The following TTBK2 variants were observed in gnomAD, a reference collection of about 807,000 sequenced individuals.
TTBK2 encodes tau tubulin kinase 2, also known as tau-tubulin kinase 2.
TTBK2 carries 28 observed loss-of-function variants against 110.8 expected under a neutral mutation model. That is an observed-to-expected ratio of 0.25 (90% CI 0.19 to 0.35). TTBK2 has a LOEUF of 0.35. Ranked by LOEUF, TTBK2 falls within the 10% of genes least tolerant of loss-of-function variation. The pLI, the probability that TTBK2 is intolerant of heterozygous loss-of-function variation, is 1.00. For synonymous variants in TTBK2, 532 were observed against 527.3 expected, an observed-to-expected ratio of 1.01 and a Z score of -0.12; for missense variants, 1,369 against 1,500.3, an observed-to-expected ratio of 0.91 and a Z score of 1.45.
intron 10 of TTBK2, among the ~76,000 whole-genome samples, chr15:42,786,210 G>A (rs1890408396): frequency 6.6e-6 from 1 of 151,934 alleles, no homozygotes; most frequent in Non-Finnish European, 1.5e-5. Flanking sequence ...AAGGTAGTTT[G>A]GCCTAAAATA....
intron 10 of TTBK2, among the ~76,000 whole-genome samples, chr15:42,785,195 C>T (rs1308582045): frequency 6.8e-6 from 1 of 148,050 alleles, no homozygotes; most frequent in African/African-American, 2.5e-5. Context: ...TCTCTGCTCA[C>T]TGCAACCTCC....
intron 1 of TTBK2, among the ~76,000 whole-genome samples, chr15:42,900,678 T>C (rs965573089): frequency 6.6e-6 from 1 of 151,922 alleles, no homozygotes; most frequent in Non-Finnish European, 1.5e-5. Flanking sequence ...TGAGCCGAGA[T>C]CGTGGCACAG....
chr15:42,839,031 C>T (rs535427620), intron 4 of TTBK2, among the ~76,000 whole-genome samples: 6 of 152,086 alleles, frequency 3.9e-5, no homozygotes, highest in South Asian at 2.1e-4. Context: ...GGTGTGGAAA[C>T]GATTTTGTCA....
chr15:42,798,690 A>G (rs1891049720), intron 9 of TTBK2, among the ~76,000 whole-genome samples: 1 of 152,234 alleles, frequency 6.6e-6, no homozygotes, highest in Non-Finnish European at 1.5e-5. Flanking sequence ...TTGATACTGT[A>G]AGGCTATTCC....
In TTBK2 at chr15:42,739,202, G is replaced by A. The variant is rs1036347366; in HGVS notation, c.*6593C>T. On this transcript the variant is annotated 3_prime_UTR_variant, in exon 15 of 15. Transcript: ENST00000267890. Reference sequence around the variant, plus strand: ...AAAATTGTATAAAGGGAGCTGCTTGGAGGGGAAAGGAACACAATAAAACGC... The same window carrying A: ...AAAATTGTATAAAGGGAGCTGCTTGAAGGGGAAAGGAACACAATAAAACGC... 1 of 152,176 alleles carries A rather than the reference G, an allele frequency of 6.6e-6. No individual in the cohort carries two copies. The highest frequency in any genetic ancestry group is 1.5e-5 in the Non-Finnish European group (1 of 68,034). The allele number at this position is 152,176 out of a possible 1,614,324, so 9.4% of individuals were successfully genotyped here. A position where few individuals can be genotyped will look rare whatever the true frequency, so the allele number is the denominator to read the frequency against.
chr15:42,760,155 G>A (rs1044307507), intron 13 of TTBK2, among the ~76,000 whole-genome samples: 6 of 152,146 alleles, frequency 3.9e-5, no homozygotes, highest in Admixed American at 1.3e-4. Context: ...GGAGGCCAAG[G>A]TGGGCAGATA....
intron 3 of TTBK2, among the ~76,000 whole-genome samples, chr15:42,851,558 C>T (rs1893713701): frequency 6.6e-6 from 1 of 152,032 alleles, no homozygotes; most frequent in South Asian, 2.1e-4. Context: ...AGTTGCAGAA[C>T]AGCATATATA....
chr15:42,815,110 A>C (rs1255678181), intron 7 of TTBK2, among the ~76,000 whole-genome samples: 1 of 152,204 alleles, frequency 6.6e-6, no homozygotes, highest in Non-Finnish European at 1.5e-5. Flanking sequence ...TAATAAAATT[A>C]ACTGGAAAAC....
intron 1 of TTBK2, among the ~76,000 whole-genome samples, chr15:42,895,037 A>C (rs1895613196): frequency 6.6e-6 from 1 of 152,218 alleles, no homozygotes; most frequent in Non-Finnish European, 1.5e-5. Flanking sequence ...AACTCTCAGC[A>C]AACTAGGAAT....
chr15:42,847,068 G>A (rs115730616), intron 3 of TTBK2, among the ~76,000 whole-genome samples: 3,378 of 152,190 alleles, frequency 0.022, 112 homozygotes, highest in African/African-American at 0.068. Flanking sequence ...ATCCTAGCAC[G>A]TTAATCAAAC....
chr15:42,821,780 C>G, intron 6 of TTBK2, among the ~76,000 whole-genome samples: 3 of 151,700 alleles, frequency 2.0e-5, no homozygotes, highest in Middle Eastern at 6.8e-3. Flanking sequence ...AGCTCCACCT[C>G]CCGGGTTCAC....
At chr15:42,855,810 G>A (rs1032319393) in intron 3 of TTBK2, among the ~76,000 whole-genome samples, 2 of 152,196 alleles carry the variant, frequency 1.3e-5, no homozygotes, top group South Asian at 2.1e-4. Context: ...TCAGCCTCCC[G>A]AGCAGCTGGG....
chr15:42,845,346 C>G (rs1893404105), intron 3 of TTBK2, among the ~76,000 whole-genome samples: 1 of 152,018 alleles, frequency 6.6e-6, no homozygotes, highest in Admixed American at 6.6e-5. Flanking sequence ...ATACCAAAAT[C>G]CACCAATGCT....
chr15:42,794,292 G>C (rs1473662287), intron 10 of TTBK2, among the ~76,000 whole-genome samples: 1 of 152,010 alleles, frequency 6.6e-6, no homozygotes, highest in African/African-American at 2.4e-5. Context: ...ACTAAACTTT[G>C]GCACAGTATA....
intron 3 of TTBK2, among the ~76,000 whole-genome samples, chr15:42,867,776 GTTAC>G (rs1447002292): frequency 2.0e-5 from 3 of 152,176 alleles, no homozygotes; most frequent in Non-Finnish European, 4.4e-5. Context: ...AAATTTGGCA[GTTAC>G]TTACAAAACT....
At position 42,830,166 on chromosome 15, in the gene TTBK2, G is replaced by T. The variant is rs1057160613; in HGVS notation, c.292-88C>A. On this transcript the variant is annotated intron_variant, in intron 4 of 14. Transcript: ENST00000267890. Reference sequence around the variant, plus strand: ...GGAAACTACTCACTTACCATTAAAAGATGTTTTCAGCAAAATAGCAAGAAT... The same window carrying T: ...GGAAACTACTCACTTACCATTAAAATATGTTTTCAGCAAAATAGCAAGAAT... 2.0e-6 allele frequency: 3 copies of T among 1,508,308 alleles called. No homozygotes were observed. The African/African-American group carries it at 4.2e-5, about 21-fold the overall frequency. 93.4% of individuals were successfully genotyped at this position (1,508,308 alleles called of 1,614,324 possible).
intron 3 of TTBK2, among the ~76,000 whole-genome samples, chr15:42,850,746 C>T (rs1208733681): frequency 6.6e-6 from 1 of 151,556 alleles, no homozygotes; most frequent in Admixed American, 6.6e-5. Context: ...GACATTATAT[C>T]TATGTGAAAA....
At chr15:42,917,068 C>T (rs1722676734) in intron 1 of TTBK2, among the ~76,000 whole-genome samples, 1 of 152,006 alleles carries the variant, frequency 6.6e-6, no homozygotes, top group Non-Finnish European at 1.5e-5. Context: ...TAGTAACTTC[C>T]ACTCTTTAGG....
intron 1 of TTBK2, among the ~76,000 whole-genome samples, chr15:42,912,586 C>T (rs983999358): frequency 1.3e-5 from 2 of 152,062 alleles, no homozygotes; most frequent in Non-Finnish European, 2.9e-5. Context: ...TGGCGGGTGC[C>T]TGTAGTTCCA....
Sources: allele counts gnomAD v4.1 joint callset (sites outside exome capture counted in the v4.1 genomes callset), GRCh38; gene constraint gnomAD v4.1.1; transcripts MANE v1.5; gene names NCBI Gene and HGNC (gene_info 2026-07-23, HGNC 2026-07-21).